NTRK3: variants seen among roughly 807,000 people sequenced by gnomAD.
The protein encoded by NTRK3 is NT-3 growth factor receptor.
Under a neutral mutation model 91.7 loss-of-function variants are expected in NTRK3, and 24 were observed. The observed-to-expected ratio is 0.26, with a 90% CI of 0.19 to 0.37. The LOEUF (loss-of-function observed/expected upper bound fraction) is 0.37, where lower values mean the gene tolerates loss of function less well. NTRK3 is among the 10% of genes least tolerant of loss of function. The probability of loss-of-function intolerance (pLI) is 1.00; values close to 1 mark genes in which losing one functional copy is unlikely to be tolerated. For missense variants in NTRK3, 880 were observed against 1,068.9 expected (o/e 0.82, Z 2.46); for synonymous variants, 483 against 404.0 (o/e 1.20, Z -2.34).
At chr15:88,087,925 C>T (rs928212042) in intron 13 of NTRK3, among the ~76,000 whole-genome samples, 2 of 152,142 alleles carry the variant, frequency 1.3e-5, no homozygotes, top group Non-Finnish European at 2.9e-5. Flanking sequence ...GTGGCATGCC[C>T]TATTAATCCC....
rs141317844 is a variant in NTRK3 at position 88,135,999 on chromosome 15, C to T, written c.807G>A (p.Thr269=). 3.3e-5 allele frequency: 53 copies of T among 1,614,236 alleles called. No individual in the cohort carries two copies. The Admixed American group carries it at 3.5e-4, about 11-fold the overall frequency. Residue 269 remains threonine, a synonymous_variant, in exon 9 of 19, where the codon ACG becomes ACA. Transcript: ENST00000394480. The stretch of plus-strand genomic sequence containing the variant: ...TGTCCTCACTCGTCACATTCACCAG[C>T]GTCAAGTTGATGGCATGAACATTGG...
chr15:88,013,172 G>A (rs557408176), intron 14 of NTRK3, among the ~76,000 whole-genome samples: 1 of 140,864 alleles, frequency 7.1e-6, no homozygotes, highest in African/African-American at 2.7e-5. Flanking sequence ...CCGTGCACTG[G>A]TAAAGACCCA....
Position 87,903,471 on chromosome 15 carries a change from C to A in NTRK3, c.2134-23043G>T, listed in dbSNP as rs573019453. On this transcript the variant is annotated intron_variant, in intron 17 of 18. Coordinates refer to ENST00000394480, the Ensembl canonical transcript of NTRK3. ...TCCCTTGAAGACCTGAGCCCCACTG[C>A]ATTCCAGGCCCCTTTTATCATCCTG... is the stretch of plus-strand genomic sequence containing the variant. Among the ~76,000 whole-genome samples the A allele has an allele frequency of 4.6e-4, 70 of 152,324 alleles. 1 individual carries two copies. In the South Asian group the frequency reaches 0.015, roughly 32 times the overall value.
In NTRK3 at chr15:88,018,494, G is replaced by C. The variant is rs570231806; in HGVS notation, c.1585+14363C>G. Among the ~76,000 whole-genome samples the C allele has an allele frequency of 4.6e-5, 7 of 152,322 alleles. No individual in the cohort carries two copies. In the East Asian group the frequency reaches 9.7e-4, roughly 21 times the overall value. The stretch of plus-strand genomic sequence containing the variant: ...TTGACCAGTAAATGACCTTGGGCAA[G>C]TCCCTTAACTTCCTTGCTTCCCTAG... On this transcript the variant is annotated intron_variant, in intron 14 of 18. Transcript: ENST00000394480.
At chr15:87,898,611 C>A (rs931902121) in intron 17 of NTRK3, among the ~76,000 whole-genome samples, 16 of 152,070 alleles carry the variant, frequency 1.1e-4, no homozygotes, top group African/African-American at 3.9e-4. Context: ...CTCACTGAGT[C>A]ATCCTTTAAG....
intron 5 of NTRK3, among the ~76,000 whole-genome samples, chr15:88,173,124 T>C (rs1163426205): frequency 6.6e-6 from 1 of 151,988 alleles, no homozygotes; most frequent in Non-Finnish European, 1.5e-5. Flanking sequence ...AAGAGGACAA[T>C]AAAGGCGCCA....
intron 17 of NTRK3, chr15:87,916,586 G>C (rs1328724008): frequency 1.4e-6 from 1 of 702,034 alleles, no homozygotes; most frequent in African/African-American, 1.7e-5. Context: ...AAAACAACTG[G>C]ATTTCTAAAC....
intron 3 of NTRK3, among the ~76,000 whole-genome samples, chr15:88,207,411 C>T (rs2048885636): frequency 6.6e-6 from 1 of 152,164 alleles, no homozygotes; most frequent in Non-Finnish European, 1.5e-5. Context: ...CTTACTACAT[C>T]GTTTCTCAAA....
chr15:88,202,619 T>A (rs1331606483), intron 3 of NTRK3, among the ~76,000 whole-genome samples: 1 of 152,224 alleles, frequency 6.6e-6, no homozygotes, highest in Non-Finnish European at 1.5e-5. Context: ...GCCCCAGACC[T>A]GTTCCTGTCC....
chr15:87,912,734 T>C (rs2067161922), intron 17 of NTRK3, among the ~76,000 whole-genome samples: 1 of 151,858 alleles, frequency 6.6e-6, no homozygotes, highest in East Asian at 1.9e-4. Flanking sequence ...ATTGCCAGTG[T>C]AGATGCTTAC....
chr15:88,086,302 T>G (rs1396873363), intron 13 of NTRK3, among the ~76,000 whole-genome samples: 1 of 152,228 alleles, frequency 6.6e-6, no homozygotes, highest in Non-Finnish European at 1.5e-5. Flanking sequence ...AGCCACTAGC[T>G]ACATGCAATT....
At chr15:88,206,250 CAGG>C (rs2048747432) in intron 3 of NTRK3, among the ~76,000 whole-genome samples, 1 of 149,902 alleles carries the variant, frequency 6.7e-6, no homozygotes, top group Admixed American at 6.7e-5. Context: ...GAGGCTGAGG[CAGG>C]AGAATAGCGC....
chr15:88,195,234 ACTCATT>A (rs1374940146), intron 3 of NTRK3, among the ~76,000 whole-genome samples: 4 of 152,116 alleles, frequency 2.6e-5, no homozygotes, highest in Non-Finnish European at 5.9e-5. Context: ...GCTCTAGATA[ACTCATT>A]TATTATCACT....
At chr15:88,127,361 A>G in intron 11 of NTRK3, 135 bp from the exon 12 acceptor site, 3 of 764,154 alleles carry the variant, frequency 3.9e-6, no homozygotes, top group Non-Finnish European at 7.0e-6. Flanking sequence ...AGGCTCTTGC[A>G]GTCTGCCTTC....
intron 14 of NTRK3, among the ~76,000 whole-genome samples, chr15:87,984,948 T>G (rs143756755): frequency 4.6e-5 from 7 of 152,330 alleles, no homozygotes; most frequent in Admixed American, 1.3e-4. Flanking sequence ...GCATTTGAGA[T>G]TCAAACTGTA....
chr15:88,053,848 G>C (rs941977309), intron 13 of NTRK3, among the ~76,000 whole-genome samples: 1 of 152,200 alleles, frequency 6.6e-6, no homozygotes, highest in African/African-American at 2.4e-5. Flanking sequence ...TATACTTAAT[G>C]GAACTGGTAA....
At chr15:87,925,468 C>CACACACACACAG (rs1164318504) in intron 17 of NTRK3, 1 of 201,768 alleles carries the variant, frequency 5.0e-6, no homozygotes, top group South Asian at 1.9e-4. Flanking sequence ...CACACACACA[C>CACACACACACAG]AGGCCTGGAT....
At position 88,006,051 on chromosome 15, in the gene NTRK3, GACCATATC is replaced by G. The variant is rs2076462706; in HGVS notation, c.1585+26798_1585+26805del. ...ACACTTTTTCAAGAGCTTCTCACAG[GACCATATC>G]AGAACACTTGTAATTTACAGCATCT... On this transcript the variant is annotated intron_variant, in intron 14 of 18. Coordinates refer to ENST00000394480, the Ensembl canonical transcript of NTRK3. 2.0e-5 allele frequency among the ~76,000 whole-genome samples: 3 copies of G among 152,124 alleles called. No individual in the cohort carries two copies. In the South Asian group the frequency reaches 6.2e-4, roughly 32 times the overall value.
At chr15:88,126,462 C>A (rs1024833747) in intron 12 of NTRK3, 89 bp from the exon 13 acceptor site, 1 of 807,804 alleles carries the variant, frequency 1.2e-6, no homozygotes, top group Non-Finnish European at 2.1e-6. Flanking sequence ...TAAGAACAGT[C>A]CTACTGCCAT....
Sources: gnomAD v4.1 joint callset for allele counts (sites outside exome capture counted in the v4.1 genomes callset) on GRCh38, gnomAD v4.1.1 for gene constraint, MANE v1.5 for transcripts, NCBI Gene and HGNC (gene_info 2026-07-23, HGNC 2026-07-21) for gene names.